Variants in RASGRF2 observed in about 807,000 individuals in gnomAD.
RASGRF2 encodes Ras protein specific guanine nucleotide releasing factor 2, also known as ras-specific guanine nucleotide-releasing factor 2.
Under a neutral mutation model 151.0 loss-of-function variants are expected in RASGRF2, and 76 were observed. The observed-to-expected ratio is 0.50, with a 90% CI of 0.42 to 0.61. The LOEUF (loss-of-function observed/expected upper bound fraction) is 0.61, where lower values mean the gene tolerates loss of function less well. RASGRF2 is among the 20% of genes least tolerant of loss of function. The pLI, the probability that RASGRF2 is intolerant of heterozygous loss-of-function variation, is 0.00. For missense variants in RASGRF2, 1,148 were observed against 1,564.6 expected (o/e 0.73, Z 4.49); for synonymous variants, 504 against 566.5 (o/e 0.89, Z 1.57).
Position 80,960,634 on chromosome 5 carries a change from C to A in RASGRF2, c.-105C>A. On this transcript the variant is annotated 5_prime_UTR_variant, in exon 1 of 27. Coordinates refer to ENST00000265080, the MANE Select transcript of RASGRF2 (RefSeq NM_006909.3). The surrounding 1 kb of genome is among the most constrained non-coding windows in gnomAD (Gnocchi z 5.5). ...GCGTGGGGAAAGGGGGCGCCCTTCG[C>A]CGGCCGGGACCTGAGCGGTCGCGCC... 9.1e-7 allele frequency: 1 copy of A among 1,104,610 alleles called. No homozygotes were observed. Among genetic ancestry groups the A allele is most frequent in the Non-Finnish European group, 1.1e-6 (1 of 869,784 alleles). The allele number at this position is 1,104,610 out of a possible 1,614,324, so 68.4% of individuals were successfully genotyped here.
Position 81,073,291 on chromosome 5 carries a change from G to A in RASGRF2, c.726G>A (p.Arg242=), listed in dbSNP as rs1751835632. The A allele has an allele frequency of 1.9e-6, 3 of 1,614,100 alleles. No individual in the cohort carries two copies. In the South Asian group the frequency reaches 3.3e-5, roughly 18 times the overall value. ...GTTCTCCTCATGCTGAAAGTATGAG[G>A]AAGAGAAACCAGATTGTGTTCACCA... ...YICSPHAESM[R]KRNQIVFTMV... Residue 242 remains arginine (R), a synonymous_variant, in exon 5 of 27, where the codon AGG becomes AGA. Transcript: ENST00000265080.
At chr5:81,141,614 G>A (rs1283722070) in intron 17 of RASGRF2, among the ~76,000 whole-genome samples, 1 of 152,136 alleles carries the variant, frequency 6.6e-6, no homozygotes, top group East Asian at 1.9e-4. Context: ...AGCTTGAATT[G>A]CTTAATTTTG....
rs552840513 is a variant in RASGRF2 at position 81,037,285 on chromosome 5, T to TA, written c.289-5586dup. On this transcript the variant is annotated intron_variant, in intron 1 of 26. Coordinates refer to ENST00000265080, the MANE Select transcript of RASGRF2 (RefSeq NM_006909.3). ...CTACAAGGAATATTTTTCAAACTGTTAAAAAATATGTATTCTGCCCTAATA... is the reference window on the plus strand; with the variant it reads ...CTACAAGGAATATTTTTCAAACTGTTAAAAAAATATGTATTCTGCCCTAATA... 1.6e-4 allele frequency among the ~76,000 whole-genome samples: 24 copies of TA among 152,324 alleles called. No homozygotes were observed. In the South Asian group the frequency reaches 5.0e-3, roughly 32 times the overall value.
intron 2 of RASGRF2, among the ~76,000 whole-genome samples, chr5:81,058,308 C>T (rs1751297471): frequency 6.6e-6 from 1 of 152,028 alleles, no homozygotes; most frequent in Non-Finnish European, 1.5e-5. Context: ...CATTTTAAAA[C>T]TTGAGTACTA....
intron 12 of RASGRF2, among the ~76,000 whole-genome samples, chr5:81,100,022 G>C (rs953141950): frequency 5.3e-5 from 8 of 149,930 alleles, no homozygotes; most frequent in East Asian, 2.0e-4. Context: ...ATTCTCCTGC[G>C]TCAGCCTCCC....
At chr5:81,167,810 C>T (rs922721746) in intron 17 of RASGRF2, among the ~76,000 whole-genome samples, 1 of 152,164 alleles carries the variant, frequency 6.6e-6, no homozygotes, top group East Asian at 1.9e-4. Context: ...GGGGTCAGGC[C>T]GACTCGGCAC....
chr5:81,180,050 C>A, intron 17 of RASGRF2, 125 bp from the exon 18 acceptor site: 1 of 632,416 alleles, frequency 1.6e-6, no homozygotes, highest in South Asian at 1.9e-5. Context: ...AAGCCACGCG[C>A]ACCTCTCTGC....
At chr5:81,191,645 C>T (rs895078665) in intron 18 of RASGRF2, among the ~76,000 whole-genome samples, 1 of 150,986 alleles carries the variant, frequency 6.6e-6, no homozygotes, top group African/African-American at 2.4e-5. Flanking sequence ...AAATTTACCA[C>T]CTACCTAATG....
At chr5:81,111,926 A>C (rs1753006654) in intron 13 of RASGRF2, among the ~76,000 whole-genome samples, 1 of 152,184 alleles carries the variant, frequency 6.6e-6, no homozygotes, top group South Asian at 2.1e-4. Context: ...GGGAGGTGTC[A>C]CCCACTACTT....
At chr5:81,221,320 CT>C (rs1206350330) in intron 26 of RASGRF2, among the ~76,000 whole-genome samples, 1 of 152,120 alleles carries the variant, frequency 6.6e-6, no homozygotes, top group Non-Finnish European at 1.5e-5. Flanking sequence ...TGGAATTCTT[CT>C]GCTCAAGAGA....
intron 1 of RASGRF2, among the ~76,000 whole-genome samples, chr5:80,994,864 T>C (rs1179260566): frequency 6.6e-6 from 1 of 152,226 alleles, no homozygotes; most frequent in African/African-American, 2.4e-5. Context: ...CAAGAAAATT[T>C]ATCCATTTTA....
chr5:81,025,676 G>A (rs1408495230), intron 1 of RASGRF2, among the ~76,000 whole-genome samples: 1 of 152,208 alleles, frequency 6.6e-6, no homozygotes, highest in African/African-American at 2.4e-5. Flanking sequence ...GGAGGCAGCA[G>A]CTGAAACTGA....
chr5:81,163,763 C>G (rs1465133273), intron 17 of RASGRF2, among the ~76,000 whole-genome samples: 2 of 152,102 alleles, frequency 1.3e-5, no homozygotes. Context: ...AATCAGAGAG[C>G]TAGACTGGCC....
intron 12 of RASGRF2, among the ~76,000 whole-genome samples, chr5:81,108,727 A>G (rs1752911452): frequency 6.6e-6 from 1 of 152,122 alleles, no homozygotes; most frequent in Admixed American, 6.5e-5. Flanking sequence ...CATTCAGGGG[A>G]AGTACAGCTG....
chr5:81,132,864 A>G (rs1413625579), intron 17 of RASGRF2, among the ~76,000 whole-genome samples: 1 of 152,210 alleles, frequency 6.6e-6, no homozygotes, highest in Non-Finnish European at 1.5e-5. Context: ...GGAAAATAAT[A>G]TAAAATTATA....
intron 17 of RASGRF2, among the ~76,000 whole-genome samples, chr5:81,177,723 T>C (rs1754808183): frequency 6.6e-6 from 1 of 151,900 alleles, no homozygotes; most frequent in Non-Finnish European, 1.5e-5. Context: ...TGCCGTGAGA[T>C]ATGTAATGGG....
At chr5:81,179,279 A>T (rs919482029) in intron 17 of RASGRF2, among the ~76,000 whole-genome samples, 10 of 152,220 alleles carry the variant, frequency 6.6e-5, no homozygotes, top group Non-Finnish European at 1.3e-4. Flanking sequence ...CATTTATTAC[A>T]GTCTCACTGC....
intron 26 of RASGRF2, among the ~76,000 whole-genome samples, chr5:81,220,874 T>C (rs1000076586): frequency 6.6e-6 from 1 of 152,236 alleles, no homozygotes; most frequent in Non-Finnish European, 1.5e-5. Flanking sequence ...ACATGTCATT[T>C]AATTGTCAAA....
chr5:81,076,879 A>AGT (rs1751955005), intron 5 of RASGRF2, among the ~76,000 whole-genome samples: 1 of 152,250 alleles, frequency 6.6e-6, no homozygotes, highest in Admixed American at 6.5e-5. Context: ...CAGTGAGATC[A>AGT]GTCAGGATGG....
Sources: gnomAD v4.1 joint callset for allele counts (sites outside exome capture counted in the v4.1 genomes callset) on GRCh38, gnomAD v4.1.1 for gene constraint, Gnocchi (gnomAD v3.1) non-coding constraint, MANE v1.5 for transcripts, NCBI Gene and HGNC (gene_info 2026-07-23, HGNC 2026-07-21) for gene names.